SNX20: variants seen among roughly 807,000 people sequenced by gnomAD.
SNX20 encodes the protein sorting nexin 20.
Under a neutral mutation model 24.5 loss-of-function variants are expected in SNX20, and 21 were observed. The observed-to-expected ratio is 0.86, with a 90% confidence interval of 0.61 to 1.23. The LOEUF (loss-of-function observed/expected upper bound fraction) is 1.23, where lower values mean the gene tolerates loss of function less well. Ranked by LOEUF, SNX20 falls within the 50% of genes most tolerant of loss-of-function variation. The probability of loss-of-function intolerance (pLI) is 0.00; values close to 1 mark genes in which losing one functional copy is unlikely to be tolerated. For synonymous variants in SNX20, 206 were observed against 192.8 expected (o/e 1.07, Z -0.57); for missense variants, 433 against 430.8 (o/e 1.00, Z -0.04).
chr16:50,668,245 T>G, downstream of SNX20: 1 of 1,427,060 alleles, frequency 7.0e-7, no homozygotes, highest in East Asian at 2.5e-5. Flanking sequence ...GGTGAGAAAC[T>G]TACCTCCTTT....
At chr16:50,675,983 G>A in intron 2 of SNX20, 62 bp from the exon 3 acceptor site, 1 of 1,509,858 alleles carries the variant, frequency 6.6e-7, no homozygotes, top group Non-Finnish European at 8.8e-7. Flanking sequence ...GCATGGGCTT[G>A]GGGAGATGGC....
chr16:50,676,017 C>G (rs759954547), intron 2 of SNX20, 96 bp from the exon 3 acceptor site: 11 of 1,334,648 alleles, frequency 8.2e-6, no homozygotes, highest in Non-Finnish European at 1.1e-5. Context: ...GATGGCATAT[C>G]AGAACTCCTG....
chr16:50,676,712 T>C (rs1000381424), intron 2 of SNX20, among the ~76,000 whole-genome samples: 2 of 152,252 alleles, frequency 1.3e-5, no homozygotes, highest in South Asian at 2.1e-4. Context: ...TTATTTCTCG[T>C]GGCACGTGTA....
rs1217315729 is a variant in SNX20 at position 50,672,512 on chromosome 16, T to TGA, written c.*893_*894insTC. 2 of 151,150 alleles carry TGA rather than the reference T, an allele frequency of 1.3e-5. No homozygotes were observed. Among genetic ancestry groups the TGA allele is most frequent in the Admixed American group, 6.6e-5 (1 of 15,158 alleles). 9.4% of individuals were successfully genotyped at this position (151,150 alleles called of 1,614,324 possible). On this transcript the variant is annotated 3_prime_UTR_variant, in exon 4 of 4. Transcript: ENST00000330943. The stretch of plus-strand genomic sequence containing the variant: ...AACTCCCACCGTGTGTGTGTGTGTG[T>TGA]GTGTGTGTGTGTGTGTGTGTGTGTG...
downstream of SNX20, chr16:50,667,116 C>T (rs1325622773): frequency 2.0e-5 from 3 of 152,246 alleles, no homozygotes; most frequent in African/African-American, 7.2e-5. Context: ...AGGCTCCCAG[C>T]TCATTTCCTT....
chr16:50,673,951 C>T lies in SNX20; in HGVS notation c.406G>A (p.Glu136Lys), dbSNP rs750713594. 3 of 1,613,370 alleles carry T rather than the reference C, an allele frequency of 1.9e-6. No individual in the cohort carries two copies. The highest frequency in any genetic ancestry group is 1.3e-5 in the African/African-American group (1 of 75,008). ...TGCTTCCTGGGAAACTCCACGTCTT[C>T]GATCTCCTCCCTGAACGTCTTCAGC... ...ALLKTFREEI[E>K]DVEFPRKHLT... Residue 136 changes from glutamate (E) to lysine (K), a missense_variant, in exon 4 of 4, where the codon GAA (glutamate) becomes AAA (lysine). Coordinates refer to ENST00000330943, the MANE Select transcript of SNX20 (RefSeq NM_182854.4). The surrounding 1 kb of genome is among the most constrained non-coding windows in gnomAD (Gnocchi z 4.1).
intron 1 of SNX20, 105 bp from the exon 2 acceptor site, chr16:50,677,640 G>A: frequency 8.3e-7 from 1 of 1,207,516 alleles, no homozygotes; most frequent in South Asian, 1.9e-5. Context: ...GCAGGCAGAG[G>A]GAATGACAAG....
chr16:50,676,990 T>C (rs1963195740), intron 2 of SNX20, among the ~76,000 whole-genome samples: 1 of 152,202 alleles, frequency 6.6e-6, no homozygotes, highest in Admixed American at 6.5e-5. Context: ...TCTAGGGCCA[T>C]AGCAGCAGGC....
Position 50,673,280 on chromosome 16 carries a change from G to T in SNX20, c.*126C>A, listed in dbSNP as rs1185565243. 16 of 1,324,040 alleles carry T rather than the reference G, an allele frequency of 1.2e-5. No homozygotes were observed. Among genetic ancestry groups the T allele is most frequent in the Middle Eastern group, 2.1e-4 (1 of 4,840 alleles). 82.0% of individuals were successfully genotyped at this position (1,324,040 alleles called of 1,614,324 possible). The stretch of plus-strand genomic sequence containing the variant: ...TGAGCCACTGCACTTCAGTCTGGGT[G>T]ACAGAGCAAGACTGTCTCAAATAAC... On this transcript the variant is annotated 3_prime_UTR_variant, in exon 4 of 4. Coordinates refer to ENST00000330943, the MANE Select transcript of SNX20 (RefSeq NM_182854.4). This position sits in a 1 kb window ranked among gnomAD's most constrained non-coding sequence, Gnocchi z 4.1.
rs752498127 is a variant in SNX20, at chr16:50,675,923, T to C, written c.131-2A>G. ...TGGAGCTCAGGCCACTGTGTGTGTCTGGAAGGACAACACCCTTAAGGATCT... is the reference window on the plus strand; with the variant it reads ...TGGAGCTCAGGCCACTGTGTGTGTCCGGAAGGACAACACCCTTAAGGATCT... On this transcript the variant is annotated splice_acceptor_variant, in intron 2 of 3. Coordinates refer to ENST00000330943, the MANE Select transcript of SNX20 (RefSeq NM_182854.4). LOFTEE classifies it high-confidence loss of function. 1.2e-6 allele frequency: 2 copies of C among 1,602,342 alleles called. No individual in the cohort carries two copies. The highest frequency in any genetic ancestry group is 1.7e-6 in the Non-Finnish European group (2 of 1,176,370).
At chr16:50,678,064 C>A (rs893761671) in intron 1 of SNX20, among the ~76,000 whole-genome samples, 3 of 151,922 alleles carry the variant, frequency 2.0e-5, no homozygotes, top group Non-Finnish European at 4.4e-5. Context: ...AAAAAATTAT[C>A]CAGGATGCAC....
At chr16:50,679,128 C>G (rs1178394666) in intron 1 of SNX20, among the ~76,000 whole-genome samples, 2 of 152,190 alleles carry the variant, frequency 1.3e-5, no homozygotes, top group African/African-American at 4.8e-5. Flanking sequence ...CCTGAGGAAG[C>G]TGCCAGTGGA....
intron 3 of SNX20, among the ~76,000 whole-genome samples, chr16:50,675,098 C>G (rs1327590006): frequency 1.3e-5 from 2 of 152,190 alleles, no homozygotes; most frequent in Non-Finnish European, 2.9e-5. Context: ...ATGCCATTGG[C>G]ATTCAGTGGT....
intron 1 of SNX20, among the ~76,000 whole-genome samples, chr16:50,678,332 T>G (rs1256176261): frequency 6.6e-6 from 1 of 152,242 alleles, no homozygotes; most frequent in Non-Finnish European, 1.5e-5. Flanking sequence ...CATACCCATC[T>G]AGGTTCTCCA....
chr16:50,679,349 G>C lies in SNX20; in HGVS notation c.-9-1814C>G, dbSNP rs558599286. On this transcript the variant is annotated intron_variant, in intron 1 of 3. Transcript: ENST00000330943. ...GGGTGAGAGCCGCTGGCCTGGGAGA[G>C]GGGAGGTCAGCTGGGGCCTGGAGCC... Among the ~76,000 whole-genome samples the C allele has an allele frequency of 2.6e-5, 4 of 152,346 alleles. No individual in the cohort carries two copies. The South Asian group carries it at 8.3e-4, about 32-fold the overall frequency.
chr16:50,679,449 C>A (rs892754253), intron 1 of SNX20, among the ~76,000 whole-genome samples: 1 of 152,208 alleles, frequency 6.6e-6, no homozygotes, highest in African/African-American at 2.4e-5. Flanking sequence ...CTCTGCACAG[C>A]CATCCAGTGG....
Position 50,673,247 on chromosome 16 carries a change from G to T in SNX20, c.*159C>A. 8.2e-7 allele frequency: 1 copy of T among 1,216,964 alleles called. No individual in the cohort carries two copies. The highest frequency in any genetic ancestry group is 2.8e-5 in the South Asian group (1 of 35,126). 75.4% of individuals were successfully genotyped at this position (1,216,964 alleles called of 1,614,324 possible). A position where few individuals can be genotyped will look rare whatever the true frequency, so the allele number is the denominator to read the frequency against. ...GCCCAGGAGTTTGAGGCTGCAGTGAGACATAATTGAGCCACTGCACTTCAG... is the reference window on the plus strand; with the variant it reads ...GCCCAGGAGTTTGAGGCTGCAGTGATACATAATTGAGCCACTGCACTTCAG... On this transcript the variant is annotated 3_prime_UTR_variant, in exon 4 of 4. Coordinates refer to ENST00000330943, the MANE Select transcript of SNX20 (RefSeq NM_182854.4). The surrounding 1 kb of genome is among the most constrained non-coding windows in gnomAD (Gnocchi z 4.1).
chr16:50,677,596 G>C (rs1436818775), intron 1 of SNX20, 61 bp from the exon 2 acceptor site: 2 of 1,417,714 alleles, frequency 1.4e-6, no homozygotes, highest in Admixed American at 4.8e-5. Context: ...GGTGGCTCCT[G>C]GGGTGCCTAG....
downstream of SNX20, chr16:50,668,438 C>G (rs151254333): frequency 7.9e-4 from 615 of 782,862 alleles, 3 homozygotes; most frequent in African/African-American, 0.01. Flanking sequence ...TAACAGTGAT[C>G]GGTTTCATTG....
Sources: allele counts gnomAD v4.1 joint callset (sites outside exome capture counted in the v4.1 genomes callset), GRCh38; gene constraint gnomAD v4.1.1; non-coding constraint Gnocchi (gnomAD v3.1); transcripts MANE v1.5; gene names NCBI Gene and HGNC (gene_info 2026-07-23, HGNC 2026-07-21).